Variants in ADCY10 observed in about 807,000 individuals in gnomAD.
ADCY10 encodes adenylate cyclase type 10.
ADCY10 carries 156 observed loss-of-function variants against 183.3 expected under a neutral mutation model. The observed-to-expected ratio is 0.85, with a 90% CI of 0.75 to 0.97. The LOEUF (loss-of-function observed/expected upper bound fraction) is 0.97, where lower values mean the gene tolerates loss of function less well. Ranked by LOEUF, ADCY10 falls within the 50% of genes least tolerant of loss-of-function variation. The pLI is 0.00. For synonymous variants in ADCY10, 645 were observed against 670.0 expected, an observed-to-expected ratio of 0.96 and a Z score of 0.58; for missense variants, 1,745 against 1,934.3, an observed-to-expected ratio of 0.90 and a Z score of 1.84.
chr1:167,862,850 T>C (rs1452507595), intron 14 of ADCY10, among the ~76,000 whole-genome samples: 1 of 152,226 alleles, frequency 6.6e-6, no homozygotes, highest in Non-Finnish European at 1.5e-5. Context: ...GGGGAAGGGA[T>C]ATGAGTCACC....
chr1:167,883,738 G>A (rs1357954786), intron 8 of ADCY10, 110 bp from the exon 9 acceptor site: 9 of 965,692 alleles, frequency 9.3e-6, no homozygotes, highest in Non-Finnish European at 1.5e-5. Flanking sequence ...ACCTCAGAAT[G>A]GGTGAGGTAC....
rs199634378 is a variant in ADCY10, at chr1:167,836,392, G to T, written c.3226C>A (p.Leu1076Met). 3.7e-6 allele frequency: 6 copies of T among 1,614,154 alleles called. No individual in the cohort carries two copies. The highest frequency in any genetic ancestry group is 4.2e-6 in the Non-Finnish European group (5 of 1,180,018). The part of the protein sequence containing the change: ...IVILPLAHHF[L>M]ALGENDKALY... ...GCTTTGTCATTTTCTCCCAAAGCCA[G>T]AAAATGGTGGGCCAGAGGCAAGATG... The change falls in exon 23 of 33, where the codon CTG (leucine) becomes ATG (methionine). Residue 1076 changes from leucine (L) to methionine (M), a missense_variant. Leu to Met is a conservative substitution (Grantham distance 15, BLOSUM62 2). Transcript: ENST00000367851.
intron 3 of ADCY10, among the ~76,000 whole-genome samples, 171 bp from the exon 4 acceptor site, chr1:167,902,225 T>C (rs964871370): frequency 6.6e-6 from 1 of 152,210 alleles, no homozygotes; most frequent in Non-Finnish European, 1.5e-5. Flanking sequence ...TGAGTCTGTT[T>C]CCTCAAGTGG....
intron 2 of ADCY10, 141 bp downstream of exon 2, chr1:167,904,852 G>T: frequency 1.8e-6 from 2 of 1,081,952 alleles, no homozygotes; most frequent in Non-Finnish European, 2.8e-6. Flanking sequence ...CCTCCCTCTT[G>T]TGTTCTCAGT....
chr1:167,883,748 C>G, intron 8 of ADCY10, 120 bp from the exon 9 acceptor site: 1 of 880,492 alleles, frequency 1.1e-6, no homozygotes. Flanking sequence ...GGGTGAGGTA[C>G]AACATGACAG....
chr1:167,887,148 A>G (rs1372372767), intron 8 of ADCY10, among the ~76,000 whole-genome samples: 1 of 152,168 alleles, frequency 6.6e-6, no homozygotes, highest in Admixed American at 6.5e-5. Flanking sequence ...CGATTCCTCA[A>G]GGATCTAGAA....
intron 1 of ADCY10, among the ~76,000 whole-genome samples, chr1:167,908,171 A>G (rs1289594498): frequency 2.6e-5 from 4 of 152,224 alleles, no homozygotes; most frequent in African/African-American, 9.6e-5. Flanking sequence ...CAACATATGA[A>G]TGGATAAAGA....
intron 9 of ADCY10, among the ~76,000 whole-genome samples, chr1:167,880,952 G>T (rs912845059): frequency 2.6e-5 from 4 of 152,082 alleles, no homozygotes; most frequent in African/African-American, 9.7e-5. Flanking sequence ...AGTGGAAAAG[G>T]CACCAGCTCT....
rs779477835 is a variant in ADCY10 at position 167,856,193 on chromosome 1, C to T, written c.2143G>A (p.Val715Met). The T allele has an allele frequency of 1.2e-5, 19 of 1,613,778 alleles. No homozygotes were observed. Among genetic ancestry groups the T allele is most frequent in the South Asian group, 4.4e-5 (4 of 91,060 alleles). ...ISNKICLDLN[V>M]SCISKELDSY... is the part of the protein sequence containing the mutation. The stretch of plus-strand genomic sequence containing the variant: ...TCCAGTTCTTTGGAGATGCAGCTCA[C>T]ATTGAGGTCAAGACAGATCTTGTTG... The change falls in exon 17 of 33, where the codon GTG becomes ATG. Residue 715 changes from valine (V) to methionine (M), a missense_variant. Physicochemically the swap from Val to Met is conservative, Grantham distance 21. Coordinates refer to ENST00000367851, the MANE Select transcript of ADCY10 (RefSeq NM_018417.6).
At chr1:167,905,397 G>T (rs1669742576) in intron 1 of ADCY10, among the ~76,000 whole-genome samples, 199 bp from the exon 2 acceptor site, 1 of 152,192 alleles carries the variant, frequency 6.6e-6, no homozygotes, top group South Asian at 2.1e-4. Flanking sequence ...TTGCATAAGT[G>T]AGCTCCATTA....
intron 31 of ADCY10, among the ~76,000 whole-genome samples, chr1:167,814,920 G>A (rs145877314): frequency 0.012 from 1,787 of 152,292 alleles, 31 homozygotes; most frequent in African/African-American, 0.034. Flanking sequence ...GAGGTCAGGA[G>A]TTCAGGACCA....
chr1:167,867,613 C>T (rs1245632828), intron 14 of ADCY10, among the ~76,000 whole-genome samples: 1 of 152,070 alleles, frequency 6.6e-6, no homozygotes, highest in Non-Finnish European at 1.5e-5. Flanking sequence ...CCAATGATCA[C>T]AGTTTTTTAA....
chr1:167,821,580 T>G (rs1051519728), intron 30 of ADCY10, among the ~76,000 whole-genome samples: 1 of 152,252 alleles, frequency 6.6e-6, no homozygotes, highest in Non-Finnish European at 1.5e-5. Context: ...GGGTTAAGTC[T>G]AATTCCAGTG....
At chr1:167,867,858 G>A (rs1666816511) in intron 14 of ADCY10, among the ~76,000 whole-genome samples, 1 of 152,030 alleles carries the variant, frequency 6.6e-6, no homozygotes, top group Non-Finnish European at 1.5e-5. Flanking sequence ...GTAATTACTG[G>A]TCTTGTGTCA....
At chr1:167,823,716 T>C (rs1310519994) in intron 28 of ADCY10, among the ~76,000 whole-genome samples, 1 of 152,186 alleles carries the variant, frequency 6.6e-6, no homozygotes, top group African/African-American at 2.4e-5. Context: ...CAAATATACC[T>C]CTTAAACAGA....
chr1:167,889,102 T>G (rs1668433751), intron 8 of ADCY10, among the ~76,000 whole-genome samples: 1 of 152,186 alleles, frequency 6.6e-6, no homozygotes, highest in Admixed American at 6.5e-5. Flanking sequence ...TACATAGGAC[T>G]TCCAGTATTA....
chr1:167,891,853 A>G (rs900965047), intron 8 of ADCY10, among the ~76,000 whole-genome samples: 5 of 152,194 alleles, frequency 3.3e-5, no homozygotes, highest in African/African-American at 1.2e-4. Context: ...AGGAATTGGT[A>G]TAGGGAATAA....
At chr1:167,907,563 A>G (rs1389914273) in intron 1 of ADCY10, among the ~76,000 whole-genome samples, 1 of 152,194 alleles carries the variant, frequency 6.6e-6, no homozygotes, top group East Asian at 1.9e-4. Flanking sequence ...AAATTACATG[A>G]CCATGCCTAG....
At chr1:167,818,530 T>G (rs1426023176) in intron 30 of ADCY10, 1 of 523,988 alleles carries the variant, frequency 1.9e-6, no homozygotes, top group African/African-American at 1.9e-5. Flanking sequence ...TTGAACTCTT[T>G]GGCTTTGGCT....
Sources: gnomAD v4.1 joint callset for allele counts (sites outside exome capture counted in the v4.1 genomes callset) on GRCh38, gnomAD v4.1.1 for gene constraint, MANE v1.5 for transcripts, NCBI Gene and HGNC (gene_info 2026-07-23, HGNC 2026-07-21) for gene names.